ATE1: variants seen among roughly 807,000 people sequenced by gnomAD.
ATE1 encodes the protein arginyl-tRNA--protein transferase 1.
A neutral mutation model predicts 70.5 loss-of-function variants in ATE1; 36 were observed. The ratio of observed to expected loss-of-function variants is 0.51; its 90% CI spans 0.39 to 0.67. The LOEUF (loss-of-function observed/expected upper bound fraction) is 0.67, where lower values mean the gene tolerates loss of function less well. Ranked by LOEUF, ATE1 falls within the 30% of genes least tolerant of loss-of-function variation. The pLI is 0.00. For synonymous variants in ATE1, 232 were observed against 219.3 expected (o/e 1.06, Z -0.51); for missense variants, 593 against 629.5 (o/e 0.94, Z 0.62).
intron 10 of ATE1, among the ~76,000 whole-genome samples, chr10:121,792,879 A>T (rs191270775): frequency 6.6e-6 from 1 of 152,334 alleles, no homozygotes; most frequent in Non-Finnish European, 1.5e-5. Flanking sequence ...GGAGTATAGA[A>T]GTTTTCTTTT....
chr10:121,801,535 T>G (rs1441211635), intron 10 of ATE1, among the ~76,000 whole-genome samples: 1 of 122,694 alleles, frequency 8.2e-6, no homozygotes, highest in Non-Finnish European at 1.8e-5. Flanking sequence ...GAATGAAAGA[T>G]GAAGACAAAG....
intron 8 of ATE1, among the ~76,000 whole-genome samples, chr10:121,848,917 A>G (rs1399736458): frequency 6.7e-6 from 1 of 149,440 alleles, no homozygotes; most frequent in African/African-American, 2.5e-5. Flanking sequence ...TCTAAAAAAA[A>G]AAGTATTTAT....
At chr10:121,849,229 T>C (rs528529545) in intron 8 of ATE1, among the ~76,000 whole-genome samples, 2 of 151,386 alleles carry the variant, frequency 1.3e-5, no homozygotes, top group Non-Finnish European at 2.9e-5. Context: ...AAAAAAAGAA[T>C]ATAAGTATAA....
At chr10:121,814,422 G>C (rs892240536) in intron 10 of ATE1, among the ~76,000 whole-genome samples, 1 of 152,180 alleles carries the variant, frequency 6.6e-6, no homozygotes, top group Non-Finnish European at 1.5e-5. Context: ...TATGGCTGAG[G>C]CTGGACACAG....
intron 3 of ATE1, 30 bp from the exon 4 acceptor site, chr10:121,913,923 T>C (rs1564960433): frequency 6.5e-7 from 1 of 1,545,024 alleles, no homozygotes; most frequent in Non-Finnish European, 8.9e-7. Context: ...ATTTAAAAAG[T>C]GAACTCAAAC....
At chr10:121,798,902 A>T (rs80280640) in intron 10 of ATE1, among the ~76,000 whole-genome samples, 2 of 79,508 alleles carry the variant, frequency 2.5e-5, no homozygotes, top group Non-Finnish European at 6.8e-5. Flanking sequence ...CTGTCTCAAG[A>T]AAAAAAAAAA....
At chr10:121,889,147 A>G (rs537155358) in intron 7 of ATE1, among the ~76,000 whole-genome samples, 115 of 152,204 alleles carry the variant, frequency 7.6e-4, no homozygotes, top group African/African-American at 2.7e-3. Context: ...CCGAGTAGCA[A>G]TTTCTTAATC....
chr10:121,859,741 A>G (rs1949401325), intron 8 of ATE1, among the ~76,000 whole-genome samples: 2 of 152,132 alleles, frequency 1.3e-5, no homozygotes, highest in Non-Finnish European at 2.9e-5. Flanking sequence ...CGGGAGTTCA[A>G]GACCAACCTG....
intron 11 of ATE1, chr10:121,782,408 C>G (rs1053342284): frequency 2.6e-5 from 4 of 152,156 alleles, no homozygotes; most frequent in African/African-American, 9.6e-5. Flanking sequence ...TCCTAGGATA[C>G]CCATCTTTTG....
chr10:121,787,974 T>A (rs1418048337), intron 11 of ATE1, among the ~76,000 whole-genome samples: 1 of 152,182 alleles, frequency 6.6e-6, no homozygotes, highest in Non-Finnish European at 1.5e-5. Flanking sequence ...GAAGCTATCG[T>A]AAGTTGGGGG....
intron 11 of ATE1, among the ~76,000 whole-genome samples, chr10:121,749,193 C>T (rs1316841946): frequency 2.0e-5 from 3 of 152,064 alleles, no homozygotes; most frequent in African/African-American, 7.2e-5. Context: ...GCCCAATACA[C>T]CAGGTTCTAA....
chr10:121,780,382 G>A (rs1025884751), intron 11 of ATE1, among the ~76,000 whole-genome samples: 6 of 152,148 alleles, frequency 3.9e-5, no homozygotes, highest in African/African-American at 1.2e-4. Context: ...TCTCTTGACT[G>A]TCTTTTGCAT....
At chr10:121,905,855 G>GA (rs74641688) in intron 5 of ATE1, among the ~76,000 whole-genome samples, 110,250 of 150,888 alleles carry the variant, frequency 0.73, 40,595 homozygotes, top group African/African-American at 0.83. Context: ...CCAAGAGAGA[G>GA]AAAAAAAAGT....
intron 10 of ATE1, among the ~76,000 whole-genome samples, chr10:121,792,415 A>T (rs1946490803): frequency 6.6e-6 from 1 of 152,174 alleles, no homozygotes; most frequent in Non-Finnish European, 1.5e-5. Context: ...AACAGGGTGA[A>T]GACCAGAAGT....
At chr10:121,883,613 C>G (rs952473501) in intron 7 of ATE1, among the ~76,000 whole-genome samples, 45 of 152,168 alleles carry the variant, frequency 3.0e-4, no homozygotes, top group Non-Finnish European at 5.6e-4. Context: ...GTTTGAGAAG[C>G]TGAGGAAGAA....
chr10:121,754,952 G>A (rs902859710), intron 11 of ATE1, among the ~76,000 whole-genome samples: 23 of 152,092 alleles, frequency 1.5e-4, no homozygotes, highest in Non-Finnish European at 2.9e-5. Flanking sequence ...TAATTACAAA[G>A]AAATACTTGA....
chr10:121,837,122 A>G (rs1422483852), intron 9 of ATE1, among the ~76,000 whole-genome samples: 1 of 152,240 alleles, frequency 6.6e-6, no homozygotes, highest in African/African-American at 2.4e-5. Flanking sequence ...GTTATTATTC[A>G]TCATGCCCTA....
intron 11 of ATE1, among the ~76,000 whole-genome samples, chr10:121,751,222 A>G (rs2135708895): frequency 6.6e-6 from 1 of 152,370 alleles, no homozygotes; most frequent in South Asian, 2.1e-4. Flanking sequence ...GAAAACTAAG[A>G]AATATCTAAG....
chr10:121,810,069 AAAG>A (rs1259785683), intron 10 of ATE1, among the ~76,000 whole-genome samples: 1 of 152,188 alleles, frequency 6.6e-6, no homozygotes, highest in Non-Finnish European at 1.5e-5. Context: ...GACATTCTGA[AAAG>A]AACAACTCTG....
Sources: allele counts gnomAD v4.1 joint callset (sites outside exome capture counted in the v4.1 genomes callset), GRCh38; gene constraint gnomAD v4.1.1; transcripts MANE v1.5; gene names NCBI Gene and HGNC (gene_info 2026-07-23, HGNC 2026-07-21).